The following ZNF385D variants were observed in gnomAD, a reference collection of about 807,000 sequenced individuals.
The protein encoded by ZNF385D is zinc finger protein 385D, also known as zinc finger protein 659.
ZNF385D carries 15 observed loss-of-function variants against 35.8 expected under a neutral mutation model. That is an observed-to-expected ratio of 0.42 (90% CI 0.28 to 0.64). The LOEUF (loss-of-function observed/expected upper bound fraction) is 0.64. Ranked by LOEUF, ZNF385D falls within the 30% of genes least tolerant of loss-of-function variation. ZNF385D has a pLI of 0.23. For missense variants in ZNF385D, 474 were observed against 494.6 expected, an observed-to-expected ratio of 0.96 and a Z score of 0.39; for synonymous variants, 212 against 186.8, an observed-to-expected ratio of 1.13 and a Z score of -1.10.
chr3:21,690,519 C>G (rs2067246574), intron 1 of ZNF385D, among the ~76,000 whole-genome samples: 1 of 152,158 alleles, frequency 6.6e-6, no homozygotes, highest in African/African-American at 2.4e-5. Flanking sequence ...TTTACATTCT[C>G]CTAGTCATCA....
intron 3 of ZNF385D, among the ~76,000 whole-genome samples, chr3:21,969,490 C>A (rs1166410139): frequency 6.6e-6 from 1 of 152,142 alleles, no homozygotes; most frequent in African/African-American, 2.4e-5. Flanking sequence ...TCAATTAAAT[C>A]TCTTTCTTTT....
At chr3:22,313,816 A>G (rs1703729018) in intron 2 of ZNF385D, among the ~76,000 whole-genome samples, 1 of 152,208 alleles carries the variant, frequency 6.6e-6, no homozygotes, top group Admixed American at 6.5e-5. Context: ...CTTCATAACT[A>G]AAAACTCCAG....
At chr3:21,663,984 T>C (rs2066322434) in intron 2 of ZNF385D, among the ~76,000 whole-genome samples, 1 of 144,448 alleles carries the variant, frequency 6.9e-6, no homozygotes, top group Admixed American at 7.2e-5. Context: ...TTTAGATCAC[T>C]GGACATTGAG....
chr3:22,268,036 G>A (rs1380986371), intron 2 of ZNF385D, among the ~76,000 whole-genome samples: 1 of 151,936 alleles, frequency 6.6e-6, no homozygotes, highest in Non-Finnish European at 1.5e-5. Flanking sequence ...AAGTAAGTAT[G>A]CACTACAAGA....
chr3:21,883,063 G>C (rs1698359828), intron 3 of ZNF385D, among the ~76,000 whole-genome samples: 1 of 151,834 alleles, frequency 6.6e-6, no homozygotes, highest in African/African-American at 2.4e-5. Flanking sequence ...TTTATGCTTT[G>C]TCTCCTACCA....
At chr3:21,639,428 T>C (rs1260483297) in intron 2 of ZNF385D, among the ~76,000 whole-genome samples, 6 of 146,716 alleles carry the variant, frequency 4.1e-5, no homozygotes, top group Admixed American at 4.1e-4. Context: ...ATAAAGCTAA[T>C]ATAATTTTTA....
chr3:22,043,329 T>A (rs1245461486), intron 3 of ZNF385D, among the ~76,000 whole-genome samples: 1 of 152,166 alleles, frequency 6.6e-6, no homozygotes, highest in Non-Finnish European at 1.5e-5. Context: ...TTTCTTACAG[T>A]TTAGGTCTGT....
chr3:22,276,302 C>G (rs1370316085), intron 2 of ZNF385D, among the ~76,000 whole-genome samples: 3 of 152,086 alleles, frequency 2.0e-5, no homozygotes, highest in Non-Finnish European at 4.4e-5. Flanking sequence ...GTAAGTCTGT[C>G]CTTTAATTTC....
intron 3 of ZNF385D, among the ~76,000 whole-genome samples, chr3:21,798,119 G>T (rs538280378): frequency 1.3e-5 from 2 of 152,136 alleles, no homozygotes; most frequent in African/African-American, 2.4e-5. Flanking sequence ...AAGACTATGC[G>T]TTAGTTGGGG....
chr3:22,065,585 A>G (rs1350659018), intron 3 of ZNF385D, among the ~76,000 whole-genome samples: 2 of 152,158 alleles, frequency 1.3e-5, no homozygotes. Flanking sequence ...GAAATTGGGC[A>G]TGGTGAAAAG....
intron 2 of ZNF385D, among the ~76,000 whole-genome samples, chr3:21,612,397 T>C (rs1170151757): frequency 6.6e-6 from 1 of 152,072 alleles, no homozygotes; most frequent in African/African-American, 2.4e-5. Flanking sequence ...CACGCCTGGC[T>C]GGAGTAGTCA....
intron 3 of ZNF385D, among the ~76,000 whole-genome samples, chr3:21,879,141 A>G (rs1304313108): frequency 6.6e-6 from 1 of 152,080 alleles, no homozygotes; most frequent in East Asian, 1.9e-4. Context: ...CAAGGAAACA[A>G]ATGATATGAA....
chr3:21,968,424 T>C (rs369584965), intron 3 of ZNF385D, among the ~76,000 whole-genome samples: 70 of 152,134 alleles, frequency 4.6e-4, no homozygotes, highest in African/African-American at 1.6e-3. Flanking sequence ...TAGTGAGACA[T>C]CAGCCTAGGA....
At chr3:22,289,826 T>C (rs973406649) in intron 2 of ZNF385D, among the ~76,000 whole-genome samples, 2 of 151,884 alleles carry the variant, frequency 1.3e-5, no homozygotes, top group Non-Finnish European at 2.9e-5. Context: ...TGGGATAAGC[T>C]AGGGGAAAGG....
chr3:22,279,927 C>T (rs574671756), intron 2 of ZNF385D, among the ~76,000 whole-genome samples: 16 of 152,032 alleles, frequency 1.1e-4, no homozygotes, highest in Non-Finnish European at 2.4e-4. Flanking sequence ...TCCTTTTTCA[C>T]CACATCCATG....
At chr3:21,587,992 T>A (rs535547734) in intron 2 of ZNF385D, among the ~76,000 whole-genome samples, 1 of 152,286 alleles carries the variant, frequency 6.6e-6, no homozygotes, top group Admixed American at 6.5e-5. Flanking sequence ...TTAGTGCCCA[T>A]CAGTTTATAA....
intron 2 of ZNF385D, among the ~76,000 whole-genome samples, chr3:22,328,860 G>T (rs896682872): frequency 2.0e-5 from 3 of 151,784 alleles, no homozygotes; most frequent in African/African-American, 4.8e-5. Context: ...CGGATCACGA[G>T]GTCAGGAGAT....
At chr3:21,869,768 C>T (rs1697586266) in intron 3 of ZNF385D, among the ~76,000 whole-genome samples, 1 of 151,092 alleles carries the variant, frequency 6.6e-6, no homozygotes, top group Admixed American at 6.6e-5. Flanking sequence ...GAATCTTATA[C>T]TATAAGACAG....
intron 3 of ZNF385D, among the ~76,000 whole-genome samples, chr3:21,919,385 A>G (rs1479989): frequency 0.53 from 81,361 of 152,092 alleles, 23,824 homozygotes; most frequent in South Asian, 0.66. Flanking sequence ...GGAATGTTCT[A>G]TATTTTGATA....
Sources: gnomAD v4.1 joint callset for allele counts (sites outside exome capture counted in the v4.1 genomes callset) on GRCh38, gnomAD v4.1.1 for gene constraint, MANE v1.5 for transcripts, NCBI Gene and HGNC (gene_info 2026-07-23, HGNC 2026-07-21) for gene names.